CTTNBP2NL: variants seen among roughly 807,000 people sequenced by gnomAD.
CTTNBP2NL encodes CTTNBP2 N-terminal like, also known as CTTNBP2 N-terminal-like protein.
A neutral mutation model predicts 32.5 loss-of-function variants in CTTNBP2NL; 16 were observed. That is an observed-to-expected ratio of 0.49 (90% CI 0.33 to 0.75). The LOEUF (loss-of-function observed/expected upper bound fraction) is 0.75. Among genes scored for constraint, CTTNBP2NL ranks in the 30% least tolerant of loss-of-function variants. CTTNBP2NL has a pLI of 0.02. For synonymous variants in CTTNBP2NL, 298 were observed against 289.4 expected (o/e 1.03, Z -0.30); for missense variants, 645 against 756.0 (o/e 0.85, Z 1.72).
intron 3 of CTTNBP2NL, among the ~76,000 whole-genome samples, chr1:112,436,272 C>T (rs1325842353): frequency 6.6e-6 from 1 of 152,086 alleles, no homozygotes; most frequent in Admixed American, 6.6e-5. Flanking sequence ...GACATCTTCA[C>T]CCCAGACCTA....
intron 2 of CTTNBP2NL, among the ~76,000 whole-genome samples, chr1:112,414,336 C>T (rs1648994318): frequency 6.6e-6 from 1 of 152,160 alleles, no homozygotes; most frequent in South Asian, 2.1e-4. Context: ...TGCATTCCAG[C>T]CTGGGCAACT....
chr1:112,453,612 C>T (rs1010183229), intron 4 of CTTNBP2NL, among the ~76,000 whole-genome samples: 11 of 151,874 alleles, frequency 7.2e-5, no homozygotes, highest in Admixed American at 1.3e-4. Context: ...ATCAGCTGGG[C>T]GTGGTGGCGC....
intron 3 of CTTNBP2NL, among the ~76,000 whole-genome samples, chr1:112,423,397 T>A (rs1649290104): frequency 6.6e-6 from 1 of 152,172 alleles, no homozygotes; most frequent in African/African-American, 2.4e-5. Flanking sequence ...GTATGTAAGA[T>A]CATACATATG....
At chr1:112,435,530 AAACTT>A (rs969351675) in intron 3 of CTTNBP2NL, among the ~76,000 whole-genome samples, 23 of 152,322 alleles carry the variant, frequency 1.5e-4, no homozygotes, top group Admixed American at 3.9e-4. Context: ...CTCAGAAAAG[AAACTT>A]AACTTTAGTA....
intron 1 of CTTNBP2NL, among the ~76,000 whole-genome samples, chr1:112,401,187 T>C (rs1275608821): frequency 6.6e-6 from 1 of 152,160 alleles, no homozygotes; most frequent in Non-Finnish European, 1.5e-5. Flanking sequence ...TAGTTATTGA[T>C]TGGTTTTGTT....
At chr1:112,427,620 G>C (rs1389893657) in intron 3 of CTTNBP2NL, among the ~76,000 whole-genome samples, 1 of 152,200 alleles carries the variant, frequency 6.6e-6, no homozygotes, top group Non-Finnish European at 1.5e-5. Flanking sequence ...ATCCTGCTGG[G>C]TGTGGTGGCT....
intron 1 of CTTNBP2NL, among the ~76,000 whole-genome samples, chr1:112,400,423 G>A (rs955542994): frequency 2.0e-5 from 3 of 152,180 alleles, no homozygotes; most frequent in Non-Finnish European, 4.4e-5. Flanking sequence ...CACTTTTGGA[G>A]GCCGAAGCGG....
intron 4 of CTTNBP2NL, among the ~76,000 whole-genome samples, chr1:112,450,097 A>G (rs1352461183): frequency 6.6e-6 from 1 of 152,254 alleles, no homozygotes; most frequent in East Asian, 1.9e-4. Flanking sequence ...TCTGAAAAAT[A>G]GGGTTAGCAG....
chr1:112,430,561 T>C (rs1649541821), intron 3 of CTTNBP2NL, among the ~76,000 whole-genome samples: 1 of 115,252 alleles, frequency 8.7e-6, no homozygotes, highest in African/African-American at 3.1e-5. Context: ...TTTTTTTTTT[T>C]TTTTTTTTTG....
At chr1:112,422,315 TA>T (rs1292816261) in intron 3 of CTTNBP2NL, among the ~76,000 whole-genome samples, 1 of 152,258 alleles carries the variant, frequency 6.6e-6, no homozygotes, top group Non-Finnish European at 1.5e-5. Flanking sequence ...TGTATATTGA[TA>T]GCTCATTTCT....
At chr1:112,411,452 T>C (rs190471319) in intron 1 of CTTNBP2NL, among the ~76,000 whole-genome samples, 170 of 152,268 alleles carry the variant, frequency 1.1e-3, no homozygotes, top group African/African-American at 4.0e-3. Flanking sequence ...ATGTGAAAAA[T>C]ATATACAGCT....
chr1:112,425,325 G>C (rs1315611616), intron 3 of CTTNBP2NL, among the ~76,000 whole-genome samples: 6 of 151,800 alleles, frequency 4.0e-5, no homozygotes, highest in African/African-American at 1.4e-4. Context: ...ACAAAAATTA[G>C]CCGGGCGAGG....
chr1:112,396,079 G>C (rs1320222507), upstream of CTTNBP2NL: 1 of 152,300 alleles, frequency 6.6e-6, no homozygotes, highest in East Asian at 1.9e-4. Context: ...TGGGGCCCCG[G>C]GAGGAGCCTG....
chr1:112,447,408 A>G (rs563365491), intron 3 of CTTNBP2NL, among the ~76,000 whole-genome samples: 2 of 152,224 alleles, frequency 1.3e-5, no homozygotes, highest in East Asian at 3.9e-4. Context: ...ACTTAAAGAA[A>G]TGGATTTCTC....
At chr1:112,430,332 C>T (rs940464765) in intron 3 of CTTNBP2NL, among the ~76,000 whole-genome samples, 1 of 151,002 alleles carries the variant, frequency 6.6e-6, no homozygotes, top group African/African-American at 2.4e-5. Context: ...CTCAAGTGAT[C>T]TTCCCACCTC....
intron 1 of CTTNBP2NL, among the ~76,000 whole-genome samples, chr1:112,405,168 T>G (rs982736521): frequency 1.3e-5 from 2 of 152,234 alleles, no homozygotes; most frequent in Non-Finnish European, 2.9e-5. Flanking sequence ...GATAAAAAAT[T>G]TATTAATATA....
intron 3 of CTTNBP2NL, among the ~76,000 whole-genome samples, chr1:112,436,087 G>A (rs1018476937): frequency 1.2e-4 from 14 of 113,178 alleles, no homozygotes; most frequent in African/African-American, 4.4e-4. Flanking sequence ...TTTTTGTCCT[G>A]TTTTATTGTT....
chr1:112,445,264 A>AT (rs912602737), intron 3 of CTTNBP2NL, among the ~76,000 whole-genome samples: 32 of 151,494 alleles, frequency 2.1e-4, no homozygotes, highest in Non-Finnish European at 3.1e-4. Context: ...AAACTGTGAG[A>AT]TTTTTTTTTA....
At chr1:112,433,165 CTG>C (rs1649619582) in intron 3 of CTTNBP2NL, among the ~76,000 whole-genome samples, 1 of 152,142 alleles carries the variant, frequency 6.6e-6, no homozygotes, top group Non-Finnish European at 1.5e-5. Flanking sequence ...CTTTTCATAA[CTG>C]TATTGAAATA....
Sources: gnomAD v4.1 joint callset for allele counts (sites outside exome capture counted in the v4.1 genomes callset) on GRCh38, gnomAD v4.1.1 for gene constraint, MANE v1.5 for transcripts, NCBI Gene and HGNC (gene_info 2026-07-23, HGNC 2026-07-21) for gene names.